ZNF560: variants seen among roughly 807,000 people sequenced by gnomAD.
The protein encoded by ZNF560 is zinc finger protein 560.
In ZNF560, 54 loss-of-function variants were observed where a neutral mutation model predicts 81.8. That is an observed-to-expected ratio of 0.66 (90% CI 0.53 to 0.83). The LOEUF is 0.83. Among genes scored for constraint, ZNF560 ranks in the 40% least tolerant of loss-of-function variants. The pLI, the probability that ZNF560 is intolerant of heterozygous loss-of-function variation, is 0.00. For missense variants in ZNF560, 940 were observed against 932.4 expected (o/e 1.01, Z -0.11); for synonymous variants, 321 against 317.9 (o/e 1.01, Z -0.10).
the ZNF560 span, among the ~76,000 whole-genome samples, chr19:9,459,371 C>T: frequency 6.6e-6 from 1 of 152,142 alleles, no homozygotes; most frequent in African/African-American, 2.4e-5. Context: ...GACCCAATAA[C>T]AAAAGATTGG....
chr19:9,503,877 T>A, the ZNF560 span, among the ~76,000 whole-genome samples: 1 of 152,168 alleles, frequency 6.6e-6, no homozygotes, highest in Admixed American at 6.5e-5. Flanking sequence ...TACATATTAA[T>A]GGAGTATAAA....
At chr19:9,475,847 C>A (rs1212095696) in intron 2 of ZNF560, among the ~76,000 whole-genome samples, 1 of 152,070 alleles carries the variant, frequency 6.6e-6, no homozygotes, top group East Asian at 1.9e-4. Context: ...ACCTCATGAT[C>A]CGCCCAACTT....
chr19:9,478,225 G>A (rs1475118974), intron 2 of ZNF560, among the ~76,000 whole-genome samples: 1 of 152,166 alleles, frequency 6.6e-6, no homozygotes, highest in Admixed American at 6.5e-5. Context: ...CAGGCCAGGA[G>A]AGAATGGGAT....
the ZNF560 span, among the ~76,000 whole-genome samples, chr19:9,504,510 A>G: frequency 2.0e-5 from 3 of 152,220 alleles, no homozygotes; most frequent in African/African-American, 7.2e-5. Context: ...TATCCTGAAG[A>G]TGTTCCATGT....
At chr19:9,486,158 CAT>C (rs2073381265) in intron 2 of ZNF560, among the ~76,000 whole-genome samples, 1 of 152,124 alleles carries the variant, frequency 6.6e-6, no homozygotes, top group African/African-American at 2.4e-5. Context: ...CACATGAACA[CAT>C]GACTCCAGAT....
chr19:9,463,183 T>C (rs956297372), downstream of ZNF560, among the ~76,000 whole-genome samples: 1 of 152,152 alleles, frequency 6.6e-6, no homozygotes, highest in Non-Finnish European at 1.5e-5. Context: ...TGTTAAAGAA[T>C]GTTGAACAAG....
At chr19:9,446,406 A>T in the ZNF560 span, among the ~76,000 whole-genome samples, 15 of 140,382 alleles carry the variant, frequency 1.1e-4, no homozygotes, top group African/African-American at 3.9e-4. Flanking sequence ...ACACACACAC[A>T]CATAAAATAT....
chr19:9,494,715 G>A (rs746776049), intron 2 of ZNF560, among the ~76,000 whole-genome samples: 4 of 150,694 alleles, frequency 2.7e-5, no homozygotes, highest in South Asian at 2.1e-4. Flanking sequence ...CACCCTGGGC[G>A]ACAAGAGCAA....
chr19:9,492,918 A>G (rs1438659854), intron 2 of ZNF560, among the ~76,000 whole-genome samples: 1 of 152,176 alleles, frequency 6.6e-6, no homozygotes, highest in Non-Finnish European at 1.5e-5. Flanking sequence ...GCAACTATTT[A>G]TTTGGTCCCA....
intron 2 of ZNF560, among the ~76,000 whole-genome samples, chr19:9,491,560 C>T (rs554960774): frequency 6.6e-5 from 10 of 152,162 alleles, no homozygotes; most frequent in African/African-American, 2.4e-4. Context: ...GGCATGGTGG[C>T]TCACACCTGT....
At chr19:9,455,763 T>C in the ZNF560 span, among the ~76,000 whole-genome samples, 1 of 152,086 alleles carries the variant, frequency 6.6e-6, no homozygotes. Flanking sequence ...GAAAGCACAT[T>C]TAGTTGATTA....
chr19:9,471,521 T>C, intron 5 of ZNF560, 143 bp from the exon 6 acceptor site: 1 of 570,676 alleles, frequency 1.8e-6, no homozygotes, highest in Non-Finnish European at 2.8e-6. Context: ...ATTTAGACTG[T>C]GTCAAAAAAT....
intron 4 of ZNF560, 32 bp from the exon 5 acceptor site, chr19:9,473,291 G>C (rs1477956249): frequency 2.6e-6 from 4 of 1,562,126 alleles, no homozygotes; most frequent in Non-Finnish European, 3.5e-6. Context: ...ATTAATGGAA[G>C]AGGCTCAGGC....
At chr19:9,491,729 G>A (rs1320761273) in intron 2 of ZNF560, among the ~76,000 whole-genome samples, 1 of 149,252 alleles carries the variant, frequency 6.7e-6, no homozygotes, top group Non-Finnish European at 1.5e-5. Flanking sequence ...AGGAGGCTGA[G>A]ACAGGAGAAT....
At chr19:9,491,485 C>A (rs889520866) in intron 2 of ZNF560, among the ~76,000 whole-genome samples, 7 of 152,030 alleles carry the variant, frequency 4.6e-5, no homozygotes, top group Non-Finnish European at 1.0e-4. Context: ...TCCAAGGTGT[C>A]ATTCCTAGTT....
chr19:9,460,133 G>C, the ZNF560 span, among the ~76,000 whole-genome samples: 1 of 152,170 alleles, frequency 6.6e-6, no homozygotes, highest in Non-Finnish European at 1.5e-5. Context: ...GATATCTAAA[G>C]CCCTACTATG....
In ZNF560 at chr19:9,472,588, C is replaced by A. The variant is rs533265858; in HGVS notation, c.238+591G>T. ...TGCCTGATGATCTGTCACTGTCTCC[C>A]ATCACCCCCAGATCCCCAAATGGGA... On this transcript the variant is annotated intron_variant, in intron 5 of 9. Transcript: ENST00000301480. Among the ~76,000 whole-genome samples the A allele has an allele frequency of 2.6e-5, 4 of 152,288 alleles. No homozygotes were observed. In the South Asian group the frequency reaches 6.2e-4, roughly 24 times the overall value.
the ZNF560 span, among the ~76,000 whole-genome samples, chr19:9,458,992 A>T: frequency 6.6e-6 from 1 of 152,244 alleles, no homozygotes; most frequent in Non-Finnish European, 1.5e-5. Flanking sequence ...TGTGTTAAAC[A>T]TCACCTTTTG....
chr19:9,457,402 C>A, the ZNF560 span, among the ~76,000 whole-genome samples: 1 of 152,188 alleles, frequency 6.6e-6, no homozygotes, highest in Non-Finnish European at 1.5e-5. Context: ...AAACAACTTG[C>A]AGGCTGCTAA....
Sources: gnomAD v4.1 joint callset for allele counts (sites outside exome capture counted in the v4.1 genomes callset) on GRCh38, gnomAD v4.1.1 for gene constraint, MANE v1.5 for transcripts, NCBI Gene and HGNC (gene_info 2026-07-23, HGNC 2026-07-21) for gene names.